Variants in DHRS7 observed in about 807,000 individuals in gnomAD.
The protein encoded by DHRS7 is dehydrogenase/reductase SDR family member 7.
A neutral mutation model predicts 38.9 loss-of-function variants in DHRS7; 34 were observed. That is an observed-to-expected ratio of 0.87 (90% CI 0.66 to 1.16). DHRS7 has a LOEUF of 1.16. Among genes scored for constraint, DHRS7 ranks in the 50% most tolerant of loss-of-function variants. DHRS7 has a pLI of 0.00. For missense variants in DHRS7, 421 were observed against 407.0 expected, an observed-to-expected ratio of 1.03 and a Z score of -0.30; for synonymous variants, 158 against 153.1, an observed-to-expected ratio of 1.03 and a Z score of -0.24.
At position 60,160,591 on chromosome 14, in the gene DHRS7, G is replaced by A. The variant is rs542951109; in HGVS notation, c.134-4439C>T. Among the ~76,000 whole-genome samples the A allele has an allele frequency of 5.6e-4, 85 of 151,126 alleles. 3 individuals are homozygous for A. The Middle Eastern group carries it at 0.021, about 37-fold the overall frequency. On this transcript the variant is annotated intron_variant, in intron 1 of 6. Coordinates refer to ENST00000557185, the MANE Select transcript of DHRS7 (RefSeq NM_016029.4). ...CGACTAACCTGTTTTTTGGCGGGGG[G>A]ACGGGGGGAGGGGACAAGGCCTGGC...
chr14:60,149,646 T>A, intron 5 of DHRS7, 78 bp from the exon 6 acceptor site: 14 of 1,137,760 alleles, frequency 1.2e-5, no homozygotes, highest in Non-Finnish European at 1.7e-5. Context: ...TCAAATGCCG[T>A]CTAGTTGAGT....
chr14:60,159,686 A>G (rs1199935834), intron 1 of DHRS7, among the ~76,000 whole-genome samples: 4 of 152,110 alleles, frequency 2.6e-5, no homozygotes, highest in Non-Finnish European at 4.4e-5. Context: ...AGTGACCCCA[A>G]TCAGGTACTG....
At chr14:60,149,208 A>G (rs1896477126) in intron 6 of DHRS7, 145 bp downstream of exon 6, 1 of 716,444 alleles carries the variant, frequency 1.4e-6, no homozygotes, top group East Asian at 2.7e-5. Context: ...CCTGGCCTCA[A>G]GTGATCTGCC....
chr14:60,155,973 C>T, intron 2 of DHRS7, 27 bp downstream of exon 2: 1 of 1,486,252 alleles, frequency 6.7e-7, no homozygotes, highest in East Asian at 2.5e-5. Flanking sequence ...TTCTAGGAAG[C>T]ACCGCTGCTA....
In DHRS7 at chr14:60,165,167, C is replaced by T. The variant is rs754531669; in HGVS notation, c.133+10G>A. The stretch of plus-strand genomic sequence containing the variant: ...CCTCCCACTCGGGAGAGGCTTTGGC[C>T]GGTCCTCACCTGGGCGTCGTCCCTG... On this transcript the variant is annotated intron_variant, in intron 1 of 6. Coordinates refer to ENST00000557185, the MANE Select transcript of DHRS7 (RefSeq NM_016029.4). The surrounding 1 kb of genome is among the most constrained non-coding windows in gnomAD (Gnocchi z 4.6). 2.5e-6 allele frequency: 4 copies of T among 1,611,364 alleles called. No homozygotes were observed. Among genetic ancestry groups the T allele is most frequent in the African/African-American group, 2.7e-5 (2 of 74,914 alleles).
At chr14:60,147,002 G>GT (rs1896422637) in intron 6 of DHRS7, 1 of 152,296 alleles carries the variant, frequency 6.6e-6, no homozygotes, top group Non-Finnish European at 1.5e-5. Flanking sequence ...GGAGGCCAAG[G>GT]TAGGTGGATC....
intron 1 of DHRS7, 60 bp from the exon 2 acceptor site, chr14:60,156,212 A>G (rs1595196727): frequency 1.5e-6 from 2 of 1,360,216 alleles, no homozygotes; most frequent in East Asian, 5.4e-5. Context: ...TCATAAATCC[A>G]AGATTAGAAA....
In DHRS7 at chr14:60,158,232, GAAAAA is replaced by G. The variant is rs34207942; in HGVS notation, c.134-2085_134-2081del. 3.2e-3 allele frequency among the ~76,000 whole-genome samples: 268 copies of G among 83,164 alleles called. 1 individual carries two copies. The highest frequency in any genetic ancestry group is 0.011 in the African/African-American group (243 of 22,086). The allele number at this position is 83,164 out of a possible 152,430, so 54.6% of individuals were successfully genotyped here. A position where few individuals can be genotyped will look rare whatever the true frequency, so the allele number is the denominator to read the frequency against. ...TGGGTGACAGAGTGAGACTCTGTCG[GAAAAA>G]AAAAAAAAAAAAAAAAAATCTCAAC... is the stretch of plus-strand genomic sequence containing the variant. On this transcript the variant is annotated intron_variant, in intron 1 of 6. Coordinates refer to ENST00000557185, the MANE Select transcript of DHRS7 (RefSeq NM_016029.4).
chr14:60,149,662 C>A, intron 5 of DHRS7, 94 bp from the exon 6 acceptor site: 1 of 935,424 alleles, frequency 1.1e-6, no homozygotes, highest in Non-Finnish European at 1.6e-6. Flanking sequence ...TGAGTGGTTC[C>A]TTTAGTGGAG....
chr14:60,159,415 T>G (rs1595198802), intron 1 of DHRS7: 1 of 230,714 alleles, frequency 4.3e-6, no homozygotes, highest in African/African-American at 2.4e-5. Flanking sequence ...GTACCTTTGT[T>G]TGTGGTTTCA....
intron 4 of DHRS7, 173 bp downstream of exon 4, chr14:60,152,766 G>T: frequency 1.6e-6 from 1 of 637,782 alleles, no homozygotes; most frequent in Non-Finnish European, 2.7e-6. Context: ...AGAGGCATGT[G>T]TGGATCAAGT....
chr14:60,167,220 T>G (rs946111901), upstream of DHRS7, among the ~76,000 whole-genome samples: 3 of 152,256 alleles, frequency 2.0e-5, no homozygotes, highest in Admixed American at 1.3e-4. Context: ...TATCAAAGTA[T>G]CTCATGTACT....
chr14:60,161,934 C>T lies in DHRS7; in HGVS notation c.133+3243G>A, dbSNP rs769625604. Among the ~76,000 whole-genome samples, 1 of 152,210 alleles carries T rather than the reference C, an allele frequency of 6.6e-6. No homozygotes were observed. The highest frequency in any genetic ancestry group is 1.5e-5 in the Non-Finnish European group (1 of 68,028). ...AGGTTGCCTGATCTTTTCTGGCAGC[C>T]ACTTCACAGTTGACTCCTATTGAGG... On this transcript the variant is annotated intron_variant, in intron 1 of 6. Transcript: ENST00000557185. This position sits in a 1 kb window ranked among gnomAD's most constrained non-coding sequence, Gnocchi z 4.2.
In DHRS7 at chr14:60,153,264, GTTAAC is replaced by G. The variant is rs1367491766; in HGVS notation, c.394-91_394-87del. Reference sequence around the variant, plus strand: ...ATTCCTATGGATGGTTGGTTATTTTGTTAACTTAAAGAATCAATGGAACAATGGTA... The same window carrying G: ...ATTCCTATGGATGGTTGGTTATTTTGTTAAAGAATCAATGGAACAATGGTA... On this transcript the variant is annotated intron_variant, in intron 3 of 6. Coordinates refer to ENST00000557185, the MANE Select transcript of DHRS7 (RefSeq NM_016029.4). This position sits in a 1 kb window ranked among gnomAD's most constrained non-coding sequence, Gnocchi z 4.4. 1.2e-5 allele frequency: 17 copies of G among 1,469,052 alleles called. No homozygotes were observed. The highest frequency in any genetic ancestry group is 1.4e-5 in the Non-Finnish European group (15 of 1,073,246). 91.0% of individuals were successfully genotyped at this position (1,469,052 alleles called of 1,614,324 possible).
chr14:60,154,038 A>G lies in DHRS7; in HGVS notation c.314T>C (p.Ile105Thr). Residue 105 changes from isoleucine (I) to threonine (T), a missense_variant, in exon 3 of 7, where the codon ATA becomes ACA. Coordinates refer to ENST00000557185, the MANE Select transcript of DHRS7 (RefSeq NM_016029.4). ...GGTCAGGTCAAGGGGCAAAACAAGT[A>G]TATCTTTTTCTTTTAAATTGCCATT... ...LENGNLKEKD[I>T]LVLPLDLTDT... The G allele has an allele frequency of 1.9e-6, 3 of 1,613,934 alleles. No individual in the cohort carries two copies. Among genetic ancestry groups the G allele is most frequent in the South Asian group, 2.2e-5 (2 of 91,082 alleles).
intron 2 of DHRS7, among the ~76,000 whole-genome samples, chr14:60,155,247 G>A (rs536922619): frequency 5.3e-4 from 81 of 152,204 alleles, no homozygotes; most frequent in Admixed American, 1.3e-3. Flanking sequence ...TCAGGAGGTC[G>A]AGACCAGCAT....
upstream of DHRS7, chr14:60,168,896 A>G (rs1005627014): frequency 3.9e-6 from 4 of 1,038,388 alleles, no homozygotes; most frequent in Admixed American, 1.4e-4. Flanking sequence ...AGGCATTGAA[A>G]GTGGTTAGTC....
intron 4 of DHRS7, among the ~76,000 whole-genome samples, chr14:60,152,513 G>T (rs1896566260): frequency 6.6e-6 from 1 of 152,168 alleles, no homozygotes; most frequent in Admixed American, 6.5e-5. Context: ...GCAAGGAAAA[G>T]AAGTCACAGA....
upstream of DHRS7, chr14:60,165,524 T>C: frequency 1.6e-6 from 2 of 1,282,420 alleles, no homozygotes; most frequent in Non-Finnish European, 2.0e-6. The surrounding 1 kb of genome is among the most constrained non-coding windows in gnomAD (Gnocchi z 4.6). Context: ...CGCGCCCTCA[T>C]GCGGCACACC....
Sources: allele counts gnomAD v4.1 joint callset (sites outside exome capture counted in the v4.1 genomes callset), GRCh38; gene constraint gnomAD v4.1.1; non-coding constraint Gnocchi (gnomAD v3.1); transcripts MANE v1.5; gene names NCBI Gene and HGNC (gene_info 2026-07-23, HGNC 2026-07-21).